Variants in ZMYM1 observed in about 807,000 individuals in gnomAD.
ZMYM1 encodes zinc finger MYM-type protein 1.
A neutral mutation model predicts 60.0 loss-of-function variants in ZMYM1; 39 were observed. The ratio of observed to expected loss-of-function variants is 0.65; its 90% CI spans 0.50 to 0.85. The LOEUF (loss-of-function observed/expected upper bound fraction) is 0.85. Among genes scored for constraint, ZMYM1 ranks in the 40% least tolerant of loss-of-function variants. The pLI, the probability that ZMYM1 is intolerant of heterozygous loss-of-function variation, is 0.00. For missense variants in ZMYM1, 1,171 were observed against 1,309.5 expected (o/e 0.89, Z 1.63); for synonymous variants, 413 against 454.0 (o/e 0.91, Z 1.15).
chr1:35,112,467 C>A (rs914752599), intron 9 of ZMYM1, among the ~76,000 whole-genome samples: 3 of 147,282 alleles, frequency 2.0e-5, no homozygotes, highest in Non-Finnish European at 4.5e-5. Context: ...CATGAGCCAC[C>A]ACACCTGGCC....
At chr1:35,069,515 A>AT (rs894215856) in intron 1 of ZMYM1, among the ~76,000 whole-genome samples, 57 of 152,138 alleles carry the variant, frequency 3.7e-4, no homozygotes, top group African/African-American at 1.2e-3. Flanking sequence ...GTTTGCAAAT[A>AT]TTTTCTCCCA....
chr1:35,110,255 T>A (rs1644042292), intron 6 of ZMYM1, 39 bp from the exon 7 acceptor site: 1 of 1,369,558 alleles, frequency 7.3e-7, no homozygotes, highest in Non-Finnish European at 9.5e-7. Flanking sequence ...CAACATATCA[T>A]ATACCAGGAA....
intron 1 of ZMYM1, among the ~76,000 whole-genome samples, chr1:35,089,828 G>C (rs1243706508): frequency 7.7e-6 from 1 of 129,168 alleles, no homozygotes. Flanking sequence ...TCACTGCAAG[G>C]TCTGCCTCCC....
At chr1:35,112,054 A>G (rs1238689483) in intron 8 of ZMYM1, 33 bp from the exon 9 acceptor site, 3 of 1,607,046 alleles carry the variant, frequency 1.9e-6, no homozygotes, top group Non-Finnish European at 2.6e-6. Flanking sequence ...GTTATAGTAT[A>G]TAAGATCTTG....
At chr1:35,087,395 T>G (rs1458720141) in intron 1 of ZMYM1, among the ~76,000 whole-genome samples, 1 of 151,364 alleles carries the variant, frequency 6.6e-6, no homozygotes, top group East Asian at 2.0e-4. Flanking sequence ...GAGGTCTATA[T>G]GTGTATCTGG....
chr1:35,115,429 C>T lies in ZMYM1; in HGVS notation c.*170C>T. ...AGTGTTATCTTTTCCTTAAATATCC[C>T]TCTAGAGGTATTTTTCCTAAGTGGT... On this transcript the variant is annotated 3_prime_UTR_variant, in exon 10 of 10. Coordinates refer to ENST00000359858, the MANE Select transcript of ZMYM1 (RefSeq NM_024772.5). 2 of 713,416 alleles carry T rather than the reference C, an allele frequency of 2.8e-6. No homozygotes were observed. Among genetic ancestry groups the T allele is most frequent in the African/African-American group, 1.8e-5 (1 of 55,714 alleles). The allele number at this position is 713,416 out of a possible 1,614,324, so 44.2% of individuals were successfully genotyped here.
intron 1 of ZMYM1, among the ~76,000 whole-genome samples, chr1:35,071,565 C>A (rs1642067600): frequency 6.6e-6 from 1 of 151,862 alleles, no homozygotes; most frequent in Admixed American, 6.6e-5. Context: ...AACTCCTGGG[C>A]CCCAGCAGTC....
In ZMYM1 at chr1:35,109,621, T is replaced by C. The variant is rs74536716; in HGVS notation, c.808-673T>C. On this transcript the variant is annotated intron_variant, in intron 6 of 9. Transcript: ENST00000359858. ...CTTCCTGGCTCCTCCTCAGCATCGG[T>C]AGACATCTTCCCAAGTTAATTCCCA... 1.8e-3 allele frequency among the ~76,000 whole-genome samples: 274 copies of C among 152,320 alleles called. 2 individuals are homozygous for C. The highest frequency in any genetic ancestry group is 5.6e-3 in the South Asian group (27 of 4,832).
chr1:35,075,101 T>C (rs1003526972), upstream of ZMYM1, among the ~76,000 whole-genome samples: 2 of 152,144 alleles, frequency 1.3e-5, no homozygotes, highest in African/African-American at 4.8e-5. Context: ...TTTATAATTG[T>C]TATATCCTCT....
At chr1:35,081,661 T>A (rs76874466) in intron 1 of ZMYM1, among the ~76,000 whole-genome samples, 1,997 of 152,332 alleles carry the variant, frequency 0.013, 29 homozygotes, top group African/African-American at 0.031. Flanking sequence ...GTTATTTTTA[T>A]ATTTTTCTGT....
downstream of ZMYM1, among the ~76,000 whole-genome samples, chr1:35,117,818 T>C (rs1276810282): frequency 1.3e-5 from 2 of 151,968 alleles, no homozygotes; most frequent in South Asian, 2.1e-4. Flanking sequence ...CACATGCCTG[T>C]AATACCAGCT....
chr1:35,073,784 T>C (rs955422091), intron 1 of ZMYM1, among the ~76,000 whole-genome samples: 4 of 152,122 alleles, frequency 2.6e-5, no homozygotes, highest in African/African-American at 4.8e-5. Context: ...GCTTTTCCTG[T>C]GTCCCTATGA....
intron 2 of ZMYM1, among the ~76,000 whole-genome samples, chr1:35,094,462 TA>T (rs909409692): frequency 1.9e-4 from 29 of 152,220 alleles, no homozygotes; most frequent in Middle Eastern, 3.4e-3. Context: ...TTATGTAAAT[TA>T]AAAAAAATTT....
intron 1 of ZMYM1, among the ~76,000 whole-genome samples, chr1:35,082,741 A>G (rs964151820): frequency 6.6e-6 from 1 of 150,870 alleles, no homozygotes; most frequent in East Asian, 2.0e-4. Context: ...GCACTTTGGA[A>G]GGCTGAGGCG....
At position 35,113,197 on chromosome 1, in the gene ZMYM1, T is replaced by C; in HGVS notation, c.1367T>C (p.Ile456Thr). 6.2e-7 allele frequency: 1 copy of C among 1,613,496 alleles called. No homozygotes were observed. Among genetic ancestry groups the C allele is most frequent in the Non-Finnish European group, 8.5e-7 (1 of 1,179,496 alleles). Residue 456 changes from isoleucine to threonine, a missense_variant, in exon 10 of 10, where the codon ATT (isoleucine) becomes ACT (threonine). Transcript: ENST00000359858. ...VQKVKGKSRSIKKSCCADFEC... is the reference protein window; with the variant it reads ...VQKVKGKSRSTKKSCCADFEC... ...AAAGTTAAAGGTAAATCACGAAGTA[T>C]TAAAAAATCTTGTTGTGCAGATTTT...
intron 1 of ZMYM1, 67 bp from the exon 2 acceptor site, chr1:35,093,847 C>G: frequency 1.8e-6 from 1 of 562,060 alleles, no homozygotes; most frequent in South Asian, 2.8e-5. Flanking sequence ...TTTTGTGGTT[C>G]TAGAAAATTA....
At chr1:35,064,313 A>C (rs1019296044) in intron 1 of ZMYM1, among the ~76,000 whole-genome samples, 8 of 110,732 alleles carry the variant, frequency 7.2e-5, no homozygotes, top group Admixed American at 3.2e-4. Flanking sequence ...AAAAAAAAAA[A>C]CAAAAAACAC....
At chr1:35,116,299 T>G (rs1557734314), downstream of ZMYM1, among the ~76,000 whole-genome samples, 1 of 152,172 alleles carries the variant, frequency 6.6e-6, no homozygotes, top group Admixed American at 6.5e-5. Context: ...TGTATTTCCT[T>G]TTTTGTAGAC....
intron 4 of ZMYM1, 25 bp downstream of exon 4, chr1:35,097,591 C>T (rs371625450): frequency 6.2e-7 from 1 of 1,611,804 alleles, no homozygotes; most frequent in African/African-American, 1.3e-5. Flanking sequence ...ATTATGCCCC[C>T]TTTTATTTCC....
Sources: allele counts gnomAD v4.1 joint callset (sites outside exome capture counted in the v4.1 genomes callset), GRCh38; gene constraint gnomAD v4.1.1; transcripts MANE v1.5; gene names NCBI Gene and HGNC (gene_info 2026-07-23, HGNC 2026-07-21).